Variants in MAMLD1 observed in about 807,000 individuals in gnomAD.
MAMLD1 encodes the protein mastermind-like domain-containing protein 1.
A neutral mutation model predicts 45.0 loss-of-function variants in MAMLD1; 14 were observed. That is an observed-to-expected ratio of 0.31 (90% CI 0.21 to 0.49). The LOEUF (loss-of-function observed/expected upper bound fraction) is 0.49. MAMLD1 is among the 20% of genes least tolerant of loss of function. The pLI is 0.99. For synonymous variants in MAMLD1, 254 were observed against 247.8 expected, an observed-to-expected ratio of 1.02 and a Z score of -0.24; for missense variants, 543 against 603.6, an observed-to-expected ratio of 0.90 and a Z score of 1.05.
chrX:150,394,129 C>CTTTATTTTTTTTTTTTTTTTTTTTTT (rs2033315922), intron 1 of MAMLD1, among the ~76,000 whole-genome samples: 1 of 12,256 alleles, frequency 8.2e-5, no homozygotes, highest in Non-Finnish European at 1.3e-4. Context: ...TATCTACATC[C>CTTTATTTTTTTTTTTTTTTTTTTTTT]TTTTTTTTTT....
At chrX:150,431,532 C>T (rs1251694386) in intron 1 of MAMLD1, among the ~76,000 whole-genome samples, 2 of 110,194 alleles carry the variant, frequency 1.8e-5, no homozygotes, top group African/African-American at 6.6e-5. Context: ...AAGCATAGTA[C>T]CTGATAGGTA....
At chrX:150,494,128 G>A in intron 5 of MAMLD1, among the ~76,000 whole-genome samples, 1 of 112,225 alleles carries the variant, frequency 8.9e-6, no homozygotes, top group East Asian at 2.8e-4. Flanking sequence ...GGGCACGGTG[G>A]CTCAAGCCTG....
At chrX:150,477,208 G>A (rs1429212131) in intron 5 of MAMLD1, among the ~76,000 whole-genome samples, 4 of 22,956 alleles carry the variant, frequency 1.7e-4, no homozygotes, top group African/African-American at 6.2e-4. Flanking sequence ...GCTTCAGTCT[G>A]TAAAATGGAG....
chrX:150,451,602 A>G (rs2035667221), intron 2 of MAMLD1, among the ~76,000 whole-genome samples: 1 of 111,674 alleles, frequency 9.0e-6, no homozygotes, highest in African/African-American at 3.3e-5. Flanking sequence ...ATGAGCTTCT[A>G]AGATTTGGGC....
chrX:150,457,165 G>A (rs1216148765), intron 2 of MAMLD1, among the ~76,000 whole-genome samples: 1 of 112,689 alleles, frequency 8.9e-6, no homozygotes, highest in Non-Finnish European at 1.9e-5. Context: ...TCAGCCTCTG[G>A]ATGCCATCAT....
At chrX:150,460,168 G>A (rs1188902813) in intron 2 of MAMLD1, among the ~76,000 whole-genome samples, 1 of 112,399 alleles carries the variant, frequency 8.9e-6, no homozygotes, top group African/African-American at 3.2e-5. Flanking sequence ...CCACAGGCAA[G>A]GTTGCCACTG....
chrX:150,468,593 C>A (rs892148331), intron 3 of MAMLD1, among the ~76,000 whole-genome samples: 4 of 111,214 alleles, frequency 3.6e-5, no homozygotes, highest in Non-Finnish European at 7.5e-5. Context: ...AGGTCATGGT[C>A]ATTAACACAA....
chrX:150,513,192 C>A lies in MAMLD1; in HGVS notation c.*1233C>A. On this transcript the variant is annotated 3_prime_UTR_variant, in exon 8 of 8. Transcript: ENST00000370401. ...AGTGGTGTTGTCAGCCCATGCTTAT[C>A]CCTCTCTCTACCTGTGACAAAATGG... 1.7e-6 allele frequency: 1 copy of A among 597,653 alleles called. No homozygotes were observed. Among genetic ancestry groups the A allele is most frequent in the South Asian group, 3.3e-5 (1 of 29,969 alleles). 49.3% of individuals were successfully genotyped at this position (597,653 alleles called of 1,213,427 possible).
chrX:150,383,899 T>A (rs1375398792), intron 1 of MAMLD1, among the ~76,000 whole-genome samples: 1 of 111,900 alleles, frequency 8.9e-6, no homozygotes, highest in Non-Finnish European at 1.9e-5. Context: ...CTTAGCATAA[T>A]GTTTTCAAGC....
At chrX:150,426,699 G>T (rs782114560) in intron 1 of MAMLD1, among the ~76,000 whole-genome samples, 1 of 110,873 alleles carries the variant, frequency 9.0e-6, no homozygotes, top group Non-Finnish European at 1.9e-5. Flanking sequence ...CTGGGCTCAG[G>T]ATCTCAGGAT....
At chrX:150,466,223 G>C (rs950470248) in intron 3 of MAMLD1, among the ~76,000 whole-genome samples, 2 of 112,951 alleles carry the variant, frequency 1.8e-5, no homozygotes, top group Non-Finnish European at 3.7e-5. Flanking sequence ...CTGATGTCTG[G>C]TGAAGGCAGA....
chrX:150,505,710 C>T (rs2037707454), intron 6 of MAMLD1, among the ~76,000 whole-genome samples: 1 of 112,648 alleles, frequency 8.9e-6, no homozygotes, highest in African/African-American at 3.2e-5. Context: ...GGTCCTGCCT[C>T]CCTGCAGGCA....
At chrX:150,422,206 G>T (rs1557403582) in intron 1 of MAMLD1, among the ~76,000 whole-genome samples, 1 of 112,288 alleles carries the variant, frequency 8.9e-6, no homozygotes, top group Non-Finnish European at 1.9e-5. Flanking sequence ...AGATTTATGA[G>T]GCTTCTATCC....
chrX:150,448,847 G>T (rs782323662), intron 2 of MAMLD1, among the ~76,000 whole-genome samples: 1 of 111,754 alleles, frequency 8.9e-6, no homozygotes, highest in Non-Finnish European at 1.9e-5. Context: ...GACTCAGTGC[G>T]CATGTCACAT....
intron 5 of MAMLD1, among the ~76,000 whole-genome samples, chrX:150,500,224 G>C (rs1557408462): frequency 8.9e-6 from 1 of 111,734 alleles, no homozygotes; most frequent in Non-Finnish European, 1.9e-5. Flanking sequence ...AAGACACACA[G>C]AATTCCCAGA....
In MAMLD1 at chrX:150,464,150, C is replaced by T. The variant is rs192714762; in HGVS notation, c.171+1304C>T. 1.6e-3 allele frequency among the ~76,000 whole-genome samples: 179 copies of T among 111,651 alleles called. 1 individual carries two copies. The highest frequency in any genetic ancestry group is 0.013 in the Admixed American group (139 of 10,560). Reference sequence around the variant, plus strand: ...GGCTTGCCCACAGCCACACAACAAACGGAGGAGCTAGGACTTAACTGCAGG... The same window carrying T: ...GGCTTGCCCACAGCCACACAACAAATGGAGGAGCTAGGACTTAACTGCAGG... On this transcript the variant is annotated intron_variant, in intron 3 of 7. Coordinates refer to ENST00000370401, the MANE Select transcript of MAMLD1 (RefSeq NM_005491.5).
At chrX:150,428,873 G>A (rs2034811366) in intron 1 of MAMLD1, among the ~76,000 whole-genome samples, 2 of 111,955 alleles carry the variant, frequency 1.8e-5, no homozygotes. Context: ...TGTGTAGGAA[G>A]TTTTGGCCAC....
intron 5 of MAMLD1, among the ~76,000 whole-genome samples, chrX:150,481,856 AAGAG>A (rs2036770865): frequency 9.4e-6 from 1 of 105,996 alleles, no homozygotes; most frequent in Non-Finnish European, 1.9e-5. Context: ...GAAAGAAAGA[AAGAG>A]AGAAAGAAAG....
chrX:150,371,744 G>T (rs868983301), intron 1 of MAMLD1, among the ~76,000 whole-genome samples: 2 of 111,994 alleles, frequency 1.8e-5, no homozygotes, highest in Admixed American at 1.9e-4. Context: ...GTGACAGAGT[G>T]GGGAGGAGGA....
Sources: allele counts gnomAD v4.1 joint callset (sites outside exome capture counted in the v4.1 genomes callset), GRCh38; gene constraint gnomAD v4.1.1; transcripts MANE v1.5; gene names NCBI Gene and HGNC (gene_info 2026-07-23, HGNC 2026-07-21).